Variants in PLCE1 observed in about 807,000 individuals in gnomAD.
PLCE1 encodes the protein phospholipase C epsilon 1, also known as 1-phosphatidylinositol 4,5-bisphosphate phosphodiesterase epsilon-1.
Under a neutral mutation model 242.8 loss-of-function variants are expected in PLCE1, and 119 were observed. The observed-to-expected ratio is 0.49, with a 90% CI of 0.42 to 0.57. The LOEUF is 0.57. Among genes scored for constraint, PLCE1 ranks in the 20% least tolerant of loss-of-function variants. PLCE1 has a pLI of 0.00. For synonymous variants in PLCE1, 945 were observed against 1,017.4 expected, an observed-to-expected ratio of 0.93 and a Z score of 1.35; for missense variants, 2,441 against 2,788.8, an observed-to-expected ratio of 0.88 and a Z score of 2.81.
intron 29 of PLCE1, among the ~76,000 whole-genome samples, chr10:94,319,864 C>CCTTTTTTTT (rs1215283955): frequency 3.0e-4 from 28 of 92,940 alleles, no homozygotes; most frequent in African/African-American, 1.0e-3. Context: ...CAAAGGTGCT[C>CCTTTTTTTT]TTTTTTTTTT....
intron 4 of PLCE1, among the ~76,000 whole-genome samples, chr10:94,196,355 G>T (rs1256623490): frequency 1.3e-5 from 2 of 152,176 alleles, no homozygotes; most frequent in East Asian, 3.8e-4. Context: ...TTTCTTGTCT[G>T]ATCCACCCTC....
chr10:94,116,140 T>G (rs1021427780), intron 2 of PLCE1, among the ~76,000 whole-genome samples: 1 of 152,190 alleles, frequency 6.6e-6, no homozygotes, highest in African/African-American at 2.4e-5. Flanking sequence ...AATTCTATCT[T>G]TCTGTCTTTC....
At chr10:94,275,664 C>T (rs1368937294) in intron 19 of PLCE1, among the ~76,000 whole-genome samples, 2 of 152,006 alleles carry the variant, frequency 1.3e-5, no homozygotes, top group Non-Finnish European at 2.9e-5. Flanking sequence ...ATCAAATCCC[C>T]ATCTCTACAC....
intron 4 of PLCE1, among the ~76,000 whole-genome samples, chr10:94,206,871 AAAT>A (rs1261174417): frequency 1.3e-5 from 2 of 152,218 alleles, no homozygotes; most frequent in East Asian, 1.9e-4. Flanking sequence ...GAAACCATTT[AAAT>A]AAGAGACCTC....
At chr10:94,287,518 G>A (rs1327465688) in intron 22 of PLCE1, 2 of 150,742 alleles carry the variant, frequency 1.3e-5, no homozygotes, top group African/African-American at 2.4e-5. Flanking sequence ...ACAATCATGT[G>A]GTATGAGGCC....
At chr10:94,061,253 A>G (rs571417832) in intron 2 of PLCE1, among the ~76,000 whole-genome samples, 64 of 152,292 alleles carry the variant, frequency 4.2e-4, no homozygotes, top group Non-Finnish European at 8.8e-4. Flanking sequence ...TAAGATTATA[A>G]CAGGATGTAC....
intron 2 of PLCE1, among the ~76,000 whole-genome samples, chr10:94,041,778 G>T (rs543873380): frequency 1.3e-5 from 2 of 152,162 alleles, no homozygotes; most frequent in East Asian, 3.9e-4. Context: ...GTAAGTTGGG[G>T]AGATCATTTC....
intron 14 of PLCE1, 120 bp downstream of exon 14, chr10:94,262,852 T>A: frequency 4.8e-6 from 4 of 834,988 alleles, no homozygotes; most frequent in South Asian, 1.4e-5. Context: ...GGGACAGATA[T>A]ACAGTTTTGT....
At chr10:94,067,866 A>C (rs1295187187) in intron 2 of PLCE1, among the ~76,000 whole-genome samples, 1 of 152,204 alleles carries the variant, frequency 6.6e-6, no homozygotes, top group African/African-American at 2.4e-5. Flanking sequence ...GCCAGCCTCC[A>C]GCATCCAGAG....
intron 2 of PLCE1, among the ~76,000 whole-genome samples, chr10:94,067,208 C>G (rs2044222325): frequency 6.6e-6 from 1 of 152,108 alleles, no homozygotes. Flanking sequence ...TGGTTAGTGA[C>G]CCGGACAACC....
intron 3 of PLCE1, among the ~76,000 whole-genome samples, chr10:94,139,949 C>T (rs2689690): frequency 0.25 from 38,628 of 152,090 alleles, 6,114 homozygotes; most frequent in Non-Finnish European, 0.36. Flanking sequence ...ACTGCCTGCC[C>T]TCTGTGTTCC....
At chr10:94,086,299 C>T (rs1046986535) in intron 2 of PLCE1, among the ~76,000 whole-genome samples, 13 of 152,134 alleles carry the variant, frequency 8.5e-5, no homozygotes, top group African/African-American at 2.9e-4. Context: ...TTTTATTTTA[C>T]GGCCACACCC....
chr10:94,031,149 G>A lies in PLCE1; in HGVS notation c.103G>A (p.Asp35Asn). 5.0e-6 allele frequency: 8 copies of A among 1,613,846 alleles called. No homozygotes were observed. The highest frequency in any genetic ancestry group is 6.8e-6 in the Non-Finnish European group (8 of 1,179,856). ...AADESSEKVSDINISKAHTVR... is the reference protein window; with the variant it reads ...AADESSEKVSNINISKAHTVR... ...AGATGAAAGTAGTGAAAAGGTCTCAGACATCAATATTTCAAAAGCACATAC... is the reference window on the plus strand; with the variant it reads ...AGATGAAAGTAGTGAAAAGGTCTCAAACATCAATATTTCAAAAGCACATAC... Residue 35 changes from aspartate (D) to asparagine (N), a missense_variant, in exon 2 of 33, where the codon GAC becomes AAC. Asp to Asn is a conservative substitution (Grantham distance 23). This residue lies in a region of PLCE1 where 393 missense variants were observed against 378.5 expected (regional missense o/e 1.04). Coordinates refer to ENST00000371380, the MANE Select transcript of PLCE1 (RefSeq NM_016341.4).
rs2050673265 is a variant in PLCE1 at position 94,246,191 on chromosome 10, G to A, written c.2666G>A (p.Ser889Asn). 1 of 1,614,090 alleles carries A rather than the reference G, an allele frequency of 6.2e-7. No individual in the cohort carries two copies. The highest frequency in any genetic ancestry group is 8.5e-7 in the Non-Finnish European group (1 of 1,180,000). Residue 889 changes from serine (S) to asparagine (N), a missense_variant, in exon 8 of 33, where the codon AGC becomes AAC. Coordinates refer to ENST00000371380, the MANE Select transcript of PLCE1 (RefSeq NM_016341.4). ...RCFLQLQPDN[S>N]TLTWVKPTTA... ...TTCCTCCAGCTTCAGCCCGACAATAGCACCTTGACCTGGGTAAAGCCCACA... is the reference window on the plus strand; with the variant it reads ...TTCCTCCAGCTTCAGCCCGACAATAACACCTTGACCTGGGTAAAGCCCACA...
chr10:94,169,369 A>G (rs1481286311), intron 3 of PLCE1, among the ~76,000 whole-genome samples: 1 of 152,222 alleles, frequency 6.6e-6, no homozygotes, highest in Non-Finnish European at 1.5e-5. Context: ...ACATTTGGGT[A>G]TGCAAAGAAG....
chr10:94,085,346 A>AG (rs2044777955), intron 2 of PLCE1, among the ~76,000 whole-genome samples: 3 of 152,100 alleles, frequency 2.0e-5, no homozygotes, highest in Admixed American at 2.0e-4. Context: ...AAGGAGGAGG[A>AG]GGGGAGAATT....
intron 7 of PLCE1, among the ~76,000 whole-genome samples, chr10:94,243,917 A>G (rs370731336): frequency 6.6e-6 from 1 of 152,190 alleles, no homozygotes; most frequent in Non-Finnish European, 1.5e-5. Context: ...CTTGCTTAAA[A>G]TTTGTGTTAT....
chr10:94,312,148 G>A (rs1396812619), intron 27 of PLCE1, among the ~76,000 whole-genome samples: 1 of 152,176 alleles, frequency 6.6e-6, no homozygotes, highest in Non-Finnish European at 1.5e-5. Context: ...GATACAATTA[G>A]AATGTGTGCA....
In PLCE1 at chr10:94,249,729, C is replaced by G. The variant is rs543111173; in HGVS notation, c.3097-2587C>G. On this transcript the variant is annotated intron_variant, in intron 8 of 32. Transcript: ENST00000371380. ...GAAGCCTAGAAAAATACAGGAAAAT[C>G]CAAGAAAGTAAACTGCAGAGATGTT... is the stretch of plus-strand genomic sequence containing the variant. Among the ~76,000 whole-genome samples the G allele has an allele frequency of 2.0e-5, 3 of 152,088 alleles. No homozygotes were observed. The East Asian group carries it at 5.8e-4, about 29-fold the overall frequency.
Sources: allele counts gnomAD v4.1 joint callset (sites outside exome capture counted in the v4.1 genomes callset), GRCh38; gene constraint gnomAD v4.1.1; regional missense constraint gnomAD v4.1.1; transcripts MANE v1.5; gene names NCBI Gene and HGNC (gene_info 2026-07-23, HGNC 2026-07-21).